The following MIB1 variants were observed in gnomAD, a reference collection of about 807,000 sequenced individuals.
The protein encoded by MIB1 is E3 ubiquitin-protein ligase MIB1.
In MIB1, 278 loss-of-function variants were observed where a neutral mutation model predicts 124.5. That is an observed-to-expected ratio of 2.23 (90% CI 2.02 to 2.47). The LOEUF (loss-of-function observed/expected upper bound fraction) is 2.47. MIB1 is among the 30% of genes most tolerant of loss of function. MIB1 has a pLI of 0.00. For synonymous variants in MIB1, 446 were observed against 429.4 expected (o/e 1.04, Z -0.48); for missense variants, 957 against 1,254.4 (o/e 0.76, Z 3.58).
intron 17 of MIB1, among the ~76,000 whole-genome samples, chr18:21,852,525 A>G (rs1211930239): frequency 6.6e-6 from 1 of 152,198 alleles, no homozygotes; most frequent in Non-Finnish European, 1.5e-5. Flanking sequence ...GATTAAGTGG[A>G]CATGAAGAAG....
At chr18:21,841,623 G>GT (rs147960156) in intron 13 of MIB1, among the ~76,000 whole-genome samples, 1,487 of 148,574 alleles carry the variant, frequency 0.01, 22 homozygotes, top group African/African-American at 0.031. Flanking sequence ...CATTGCTGGT[G>GT]TTTTTTTTTT....
chr18:21,838,644 A>G (rs998266577), intron 13 of MIB1, 147 bp downstream of exon 13: 1 of 602,960 alleles, frequency 1.7e-6, no homozygotes, highest in Admixed American at 3.4e-5. Flanking sequence ...GATATAATGC[A>G]TATTCTGTCT....
chr18:21,816,578 CATA>C lies in MIB1; in HGVS notation c.1677+768_1677+770del, dbSNP rs1389611140. Among the ~76,000 whole-genome samples, 3 of 152,138 alleles carry C rather than the reference CATA, an allele frequency of 2.0e-5. No individual in the cohort carries two copies. The East Asian group carries it at 5.8e-4, about 29-fold the overall frequency. On this transcript the variant is annotated intron_variant, in intron 11 of 20. Coordinates refer to ENST00000261537, the MANE Select transcript of MIB1 (RefSeq NM_020774.4). ...TGAAATACTATTTGAATATGTAAAA[CATA>C]ATTTGTTTCCATTGGAAACTCAATA...
At chr18:21,717,304 A>T (rs1452617462) in intron 1 of MIB1, among the ~76,000 whole-genome samples, 1 of 152,192 alleles carries the variant, frequency 6.6e-6, no homozygotes, top group Admixed American at 6.5e-5. Flanking sequence ...AGAAGATAAC[A>T]TTGAAAAAAC....
At chr18:21,813,040 CTTAT>C (rs1175559588) in intron 10 of MIB1, among the ~76,000 whole-genome samples, 4 of 151,824 alleles carry the variant, frequency 2.6e-5, no homozygotes, top group Non-Finnish European at 5.9e-5. Flanking sequence ...AAAAATTATT[CTTAT>C]TTATTTCCTT....
chr18:21,850,992 T>TA (rs1169203370), intron 17 of MIB1, among the ~76,000 whole-genome samples: 1 of 152,190 alleles, frequency 6.6e-6, no homozygotes, highest in African/African-American at 2.4e-5. Flanking sequence ...ATATAATAAT[T>TA]ACCTGCTAAA....
chr18:21,831,647 C>T (rs546630268), intron 12 of MIB1, among the ~76,000 whole-genome samples: 2 of 150,496 alleles, frequency 1.3e-5, no homozygotes, highest in African/African-American at 2.5e-5. Context: ...TCCTGCCCCC[C>T]ACTTTTTTTT....
chr18:21,808,044 C>T (rs376715321), intron 10 of MIB1, among the ~76,000 whole-genome samples: 3 of 152,058 alleles, frequency 2.0e-5, no homozygotes, highest in African/African-American at 4.8e-5. Context: ...TATTCCAAAA[C>T]GTAAGGGCTC....
At chr18:21,758,890 G>T (rs540166439) in intron 1 of MIB1, among the ~76,000 whole-genome samples, 1 of 152,182 alleles carries the variant, frequency 6.6e-6, no homozygotes, top group African/African-American at 2.4e-5. Flanking sequence ...AAAGTTTAGG[G>T]TATAGTTAGG....
chr18:21,746,889 A>G (rs1182144721), intron 1 of MIB1, among the ~76,000 whole-genome samples: 1 of 152,158 alleles, frequency 6.6e-6, no homozygotes, highest in Non-Finnish European at 1.5e-5. Flanking sequence ...GATGTTTTGT[A>G]TTCAGTTGAA....
intron 15 of MIB1, among the ~76,000 whole-genome samples, chr18:21,845,949 T>G (rs2042131112): frequency 6.6e-6 from 1 of 152,194 alleles, no homozygotes; most frequent in South Asian, 2.1e-4. Flanking sequence ...TCTACTGAAT[T>G]GCCAGTATAC....
chr18:21,757,555 G>C (rs1339246420), intron 1 of MIB1, among the ~76,000 whole-genome samples: 1 of 143,490 alleles, frequency 7.0e-6, no homozygotes. Flanking sequence ...TGCGATCTCG[G>C]CTCACTGCAA....
chr18:21,775,265 G>A (rs1000783149), intron 4 of MIB1, among the ~76,000 whole-genome samples: 4 of 151,854 alleles, frequency 2.6e-5, no homozygotes, highest in African/African-American at 7.3e-5. Context: ...TTAGAGACAG[G>A]GTCTTGCTCT....
intron 12 of MIB1, among the ~76,000 whole-genome samples, chr18:21,821,540 C>T (rs777757304): frequency 1.3e-5 from 2 of 151,982 alleles, no homozygotes; most frequent in Non-Finnish European, 2.9e-5. Context: ...CCTGTGTCAT[C>T]ACTGGAATTA....
At chr18:21,840,065 C>T (rs2042068850) in intron 13 of MIB1, among the ~76,000 whole-genome samples, 1 of 151,990 alleles carries the variant, frequency 6.6e-6, no homozygotes, top group Admixed American at 6.6e-5. Flanking sequence ...CAATGAGTCA[C>T]TCAATAGAAT....
chr18:21,842,116 A>AAAAAG (rs1555695873), intron 13 of MIB1, among the ~76,000 whole-genome samples: 14 of 121,194 alleles, frequency 1.2e-4, no homozygotes, highest in African/African-American at 1.7e-4. Context: ...AAAAAAAAAA[A>AAAAAG]AAGAAGAAAA....
chr18:21,773,645 A>G lies in MIB1; in HGVS notation c.553A>G (p.Ser185Gly). 1 of 1,609,632 alleles carries G rather than the reference A, an allele frequency of 6.2e-7. No individual in the cohort carries two copies. The highest frequency in any genetic ancestry group is 8.5e-7 in the Non-Finnish European group (1 of 1,178,308). Residue 185 changes from serine (S) to glycine (G), a missense_variant, in exon 4 of 21, where the codon AGT (serine) becomes GGT (glycine). Ser to Gly is a moderately conservative substitution (Grantham distance 56). Coordinates refer to ENST00000261537, the MANE Select transcript of MIB1 (RefSeq NM_020774.4). ...TTAGGTAACAGAAATCCAGGACTGG[A>G]GTGCATCAAGCCCACATAGCGCAGC... ...RGKVTEIQDWSASSPHSAAYV... is the reference protein window; with the variant it reads ...RGKVTEIQDWGASSPHSAAYV...
chr18:21,835,517 C>T (rs1465136649), intron 12 of MIB1, among the ~76,000 whole-genome samples: 4 of 151,998 alleles, frequency 2.6e-5, no homozygotes, highest in African/African-American at 9.7e-5. Flanking sequence ...CCTGTAATCC[C>T]AGCACTTTGG....
intron 1 of MIB1, among the ~76,000 whole-genome samples, chr18:21,716,380 C>T (rs2040689731): frequency 6.6e-6 from 1 of 152,148 alleles, no homozygotes; most frequent in Non-Finnish European, 1.5e-5. Flanking sequence ...AATCTTGAAA[C>T]AAATCCTGGA....
Sources: gnomAD v4.1 joint callset for allele counts (sites outside exome capture counted in the v4.1 genomes callset) on GRCh38, gnomAD v4.1.1 for gene constraint, MANE v1.5 for transcripts, NCBI Gene and HGNC (gene_info 2026-07-23, HGNC 2026-07-21) for gene names.